The following IQCM variants were observed in gnomAD, a reference collection of about 807,000 sequenced individuals.
IQCM encodes IQ domain-containing protein M.
Under a neutral mutation model 57.6 loss-of-function variants are expected in IQCM, and 45 were observed. The observed-to-expected ratio is 0.78, with a 90% CI of 0.62 to 1.00. IQCM has a LOEUF of 1.00. Ranked by LOEUF, IQCM falls within the 50% of genes least tolerant of loss-of-function variation. IQCM has a pLI of 0.00. For missense variants in IQCM, 468 were observed against 511.6 expected, an observed-to-expected ratio of 0.91 and a Z score of 0.82; for synonymous variants, 148 against 158.9, an observed-to-expected ratio of 0.93 and a Z score of 0.51.
chr4:149,504,920 G>A (rs1743634042), intron 12 of IQCM, among the ~76,000 whole-genome samples: 1 of 151,974 alleles, frequency 6.6e-6, no homozygotes, highest in Admixed American at 6.6e-5. Context: ...GAGAGACCCT[G>A]GGAGGGCTCC....
At chr4:149,673,541 G>T (rs1761494094) in intron 7 of IQCM, among the ~76,000 whole-genome samples, 1 of 152,060 alleles carries the variant, frequency 6.6e-6, no homozygotes, top group Admixed American at 6.6e-5. Context: ...ATTACATAAT[G>T]GTAAAGGGAT....
chr4:149,567,322 C>A (rs1403122609), intron 9 of IQCM, among the ~76,000 whole-genome samples: 1 of 151,974 alleles, frequency 6.6e-6, no homozygotes, highest in Non-Finnish European at 1.5e-5. Context: ...ATTTTTCCCA[C>A]ATTCAAGTTC....
At chr4:149,728,647 A>G (rs750119115) in intron 5 of IQCM, among the ~76,000 whole-genome samples, 15 of 152,230 alleles carry the variant, frequency 9.9e-5, no homozygotes, top group Non-Finnish European at 2.2e-4. Flanking sequence ...TATGTGCATC[A>G]CTTCCAGCTA....
chr4:149,523,588 G>A (rs899257538), intron 12 of IQCM, among the ~76,000 whole-genome samples: 9 of 152,066 alleles, frequency 5.9e-5, no homozygotes, highest in Non-Finnish European at 1.2e-4. Flanking sequence ...AAGAAAAACC[G>A]CAAGACAGAA....
chr4:149,546,952 A>G (rs1748503423), intron 12 of IQCM, among the ~76,000 whole-genome samples: 1 of 151,988 alleles, frequency 6.6e-6, no homozygotes, highest in Non-Finnish European at 1.5e-5. Flanking sequence ...TTATGGTTTT[A>G]GGTCTAACAT....
At chr4:149,571,200 A>T (rs1751124249) in intron 9 of IQCM, among the ~76,000 whole-genome samples, 1 of 152,138 alleles carries the variant, frequency 6.6e-6, no homozygotes, top group South Asian at 2.1e-4. Flanking sequence ...CACCGTGCTC[A>T]CTGCACCATT....
At chr4:149,383,376 T>C (rs1043618190) in intron 13 of IQCM, among the ~76,000 whole-genome samples, 2 of 152,134 alleles carry the variant, frequency 1.3e-5, no homozygotes, top group Non-Finnish European at 2.9e-5. Context: ...CTAAGGATAA[T>C]ATGGATTCCG....
At chr4:149,405,871 C>CATAT (rs1416070491) in intron 13 of IQCM, among the ~76,000 whole-genome samples, 6 of 94,016 alleles carry the variant, frequency 6.4e-5, no homozygotes, top group African/African-American at 2.0e-4. Flanking sequence ...TATCTCTCTC[C>CATAT]ATATATATAT....
chr4:149,388,180 A>T (rs1731559312), intron 13 of IQCM, among the ~76,000 whole-genome samples: 1 of 151,484 alleles, frequency 6.6e-6, no homozygotes, highest in Admixed American at 6.6e-5. Flanking sequence ...TTATGTTTTC[A>T]TTTTTCTTGG....
intron 13 of IQCM, among the ~76,000 whole-genome samples, chr4:149,409,814 A>G (rs1733242946): frequency 1.3e-5 from 2 of 152,200 alleles, no homozygotes; most frequent in African/African-American, 4.8e-5. Flanking sequence ...AGGCAGCAGC[A>G]ATAGCCTGTT....
At chr4:149,621,711 G>C (rs1756352800) in intron 7 of IQCM, among the ~76,000 whole-genome samples, 1 of 152,088 alleles carries the variant, frequency 6.6e-6, no homozygotes, top group African/African-American at 2.4e-5. Context: ...AAGTCTTTAA[G>C]GTAAATAGGT....
intron 2 of IQCM, among the ~76,000 whole-genome samples, chr4:149,791,845 A>C (rs916511097): frequency 6.6e-6 from 1 of 152,200 alleles, no homozygotes; most frequent in Non-Finnish European, 1.5e-5. Flanking sequence ...CAAACAGTAC[A>C]TATTTAAGCT....
intron 5 of IQCM, among the ~76,000 whole-genome samples, chr4:149,729,175 G>A (rs890136999): frequency 6.6e-6 from 1 of 152,150 alleles, no homozygotes; most frequent in Non-Finnish European, 1.5e-5. Context: ...TTTGTCCTGG[G>A]ACGCGCTCTC....
At chr4:149,665,722 T>C (rs549060619) in intron 7 of IQCM, among the ~76,000 whole-genome samples, 1 of 152,250 alleles carries the variant, frequency 6.6e-6, no homozygotes, top group East Asian at 1.9e-4. Context: ...AATTGGACAA[T>C]AATTTCATAT....
intron 13 of IQCM, among the ~76,000 whole-genome samples, chr4:149,379,139 C>T (rs754351451): frequency 3.3e-5 from 5 of 152,320 alleles, no homozygotes; most frequent in East Asian, 1.9e-4. Flanking sequence ...TGTATGGAAA[C>T]GCCTGGATGT....
At chr4:149,365,728 T>TC (rs1729782676) in intron 13 of IQCM, among the ~76,000 whole-genome samples, 2 of 122,918 alleles carry the variant, frequency 1.6e-5, no homozygotes, top group Non-Finnish European at 3.6e-5. Flanking sequence ...CAATCTAAGC[T>TC]TAAAAAAAAT....
At chr4:149,580,955 G>A (rs1331112036) in intron 9 of IQCM, among the ~76,000 whole-genome samples, 1 of 151,628 alleles carries the variant, frequency 6.6e-6, no homozygotes, top group African/African-American at 2.4e-5. Context: ...AAGATACCCT[G>A]TTGAATAAAC....
At chr4:149,384,177 A>T (rs528488095) in intron 13 of IQCM, among the ~76,000 whole-genome samples, 4 of 152,292 alleles carry the variant, frequency 2.6e-5, no homozygotes, top group African/African-American at 9.6e-5. Context: ...TTATATCAGA[A>T]GTTATAATTG....
At chr4:149,813,555 C>G (rs923533395) in intron 2 of IQCM, among the ~76,000 whole-genome samples, 1 of 152,016 alleles carries the variant, frequency 6.6e-6, no homozygotes, top group East Asian at 1.9e-4. Flanking sequence ...GTACCAATTT[C>G]TCTAAAACTG....
Sources: gnomAD v4.1 joint callset for allele counts (sites outside exome capture counted in the v4.1 genomes callset) on GRCh38, gnomAD v4.1.1 for gene constraint, MANE v1.5 for transcripts, NCBI Gene and HGNC (gene_info 2026-07-23, HGNC 2026-07-21) for gene names.